The following HOOK3 variants were observed in gnomAD, a reference collection of about 807,000 sequenced individuals.
HOOK3 encodes the protein hook microtubule tethering protein 3.
Under a neutral mutation model 116.3 loss-of-function variants are expected in HOOK3, and 24 were observed. That is an observed-to-expected ratio of 0.21 (90% CI 0.15 to 0.29). HOOK3 has a LOEUF of 0.29. Ranked by LOEUF, HOOK3 falls within the 10% of genes least tolerant of loss-of-function variation. HOOK3 has a pLI of 1.00. For synonymous variants in HOOK3, 275 were observed against 283.0 expected, an observed-to-expected ratio of 0.97 and a Z score of 0.28; for missense variants, 632 against 830.2, an observed-to-expected ratio of 0.76 and a Z score of 2.93.
intron 6 of HOOK3, among the ~76,000 whole-genome samples, chr8:42,951,093 A>G (rs955999557): frequency 2.0e-5 from 3 of 151,840 alleles, no homozygotes; most frequent in African/African-American, 7.3e-5. Flanking sequence ...TTGTTTGACC[A>G]AGTCTCACTC....
At chr8:42,960,140 A>G (rs1400594541) in intron 8 of HOOK3, among the ~76,000 whole-genome samples, 2 of 152,268 alleles carry the variant, frequency 1.3e-5, no homozygotes, top group Non-Finnish European at 2.9e-5. Flanking sequence ...TTATAAGCAG[A>G]ATATAAGTAT....
At chr8:43,007,298 G>A (rs957762614) in intron 17 of HOOK3, among the ~76,000 whole-genome samples, 4 of 152,044 alleles carry the variant, frequency 2.6e-5, no homozygotes, top group Non-Finnish European at 2.9e-5. Context: ...GACCCGGATC[G>A]GTTCTTCATT....
intron 5 of HOOK3, among the ~76,000 whole-genome samples, chr8:42,944,722 G>A (rs1398564184): frequency 6.6e-6 from 1 of 152,052 alleles, no homozygotes; most frequent in African/African-American, 2.4e-5. Flanking sequence ...GCGAGGCTGA[G>A]GCAGGAGAAT....
chr8:42,946,110 TA>T (rs1353992314), intron 5 of HOOK3, among the ~76,000 whole-genome samples: 1 of 152,180 alleles, frequency 6.6e-6, no homozygotes, highest in East Asian at 1.9e-4. Context: ...ATTTATTTCA[TA>T]AATATTGAAC....
intron 2 of HOOK3, among the ~76,000 whole-genome samples, chr8:42,914,744 T>C (rs1807497456): frequency 1.3e-5 from 2 of 152,248 alleles, no homozygotes; most frequent in African/African-American, 4.8e-5. Flanking sequence ...CTCCCCTCTT[T>C]CTTGCATCAT....
rs191113604 is a variant in HOOK3, at chr8:42,992,527, C to T, written c.1533-5023C>T. ...GGTCAGGAGATTGAGACCATCCTGG[C>T]CAACATGGTGAAACCCCGTCTCTGC... On this transcript the variant is annotated intron_variant, in intron 15 of 21. Transcript: ENST00000307602. Among the ~76,000 whole-genome samples the T allele has an allele frequency of 3.4e-4, 51 of 150,726 alleles. 2 individuals are homozygous for T. In the East Asian group the frequency reaches 7.2e-3, roughly 21 times the overall value.
chr8:42,990,357 T>C (rs1809136787), intron 15 of HOOK3, among the ~76,000 whole-genome samples: 2 of 116,394 alleles, frequency 1.7e-5, no homozygotes, highest in South Asian at 5.8e-4. Flanking sequence ...TTTTTTTTTT[T>C]TTTTTGAGGA....
At chr8:43,004,525 A>C (rs763200555) in intron 17 of HOOK3, among the ~76,000 whole-genome samples, 6 of 151,624 alleles carry the variant, frequency 4.0e-5, no homozygotes, top group Non-Finnish European at 7.4e-5. Context: ...TACTAGAAAT[A>C]CAAAAATTAG....
At chr8:42,943,759 G>A (rs533085989) in intron 5 of HOOK3, among the ~76,000 whole-genome samples, 68 of 152,264 alleles carry the variant, frequency 4.5e-4, no homozygotes, top group African/African-American at 1.6e-3. Flanking sequence ...GAAAAAATGA[G>A]CAGAGACATA....
At chr8:42,976,271 TGAGGTGGACA>T (rs922559576) in intron 13 of HOOK3, among the ~76,000 whole-genome samples, 16 of 151,722 alleles carry the variant, frequency 1.1e-4, no homozygotes, top group Non-Finnish European at 2.4e-4. Flanking sequence ...TTGGGGAGGC[TGAGGTGGACA>T]GAGGGCTTGA....
rs548291480 is a variant in HOOK3, at chr8:43,004,116, C to A, written c.1655+1975C>A. Among the ~76,000 whole-genome samples the A allele has an allele frequency of 1.7e-3, 255 of 152,178 alleles. 1 individual carries two copies. The highest frequency in any genetic ancestry group is 0.01 in the Middle Eastern group (3 of 294). On this transcript the variant is annotated intron_variant, in intron 17 of 21. Transcript: ENST00000307602. ...GGTGTGGTGGCTCACGCCTGTAATCCCAGCACTTTGGGAGGCCAAGCAGGT... is the reference window on the plus strand; with the variant it reads ...GGTGTGGTGGCTCACGCCTGTAATCACAGCACTTTGGGAGGCCAAGCAGGT...
At chr8:42,976,036 A>G (rs953596919) in intron 13 of HOOK3, among the ~76,000 whole-genome samples, 1 of 141,932 alleles carries the variant, frequency 7.0e-6, no homozygotes, top group African/African-American at 2.8e-5. Context: ...GTGTGTATAT[A>G]TATATGTGTG....
chr8:42,925,799 CATAAT>C (rs1230610265), intron 3 of HOOK3, among the ~76,000 whole-genome samples, 170 bp downstream of exon 3: 11 of 152,206 alleles, frequency 7.2e-5, no homozygotes, highest in African/African-American at 2.2e-4. Flanking sequence ...CTAGGCATAA[CATAAT>C]ATGAGTCAGT....
chr8:42,902,361 C>G (rs887759771), intron 1 of HOOK3, among the ~76,000 whole-genome samples: 2 of 151,702 alleles, frequency 1.3e-5, no homozygotes, highest in Admixed American at 6.6e-5. Flanking sequence ...AGTCCCGACC[C>G]CCCAGGCTCA....
At chr8:42,937,972 T>C (rs1808005272) in intron 4 of HOOK3, among the ~76,000 whole-genome samples, 1 of 152,184 alleles carries the variant, frequency 6.6e-6, no homozygotes, top group African/African-American at 2.4e-5. Flanking sequence ...TTAATCTGTC[T>C]AATATTGACA....
intron 19 of HOOK3, among the ~76,000 whole-genome samples, chr8:43,011,593 G>C (rs894963178): frequency 6.6e-6 from 1 of 152,286 alleles, no homozygotes; most frequent in Admixed American, 6.5e-5. Context: ...TATTAGGGGA[G>C]CTGGGCACAG....
chr8:42,956,265 T>TGTGTGTG (rs1554512121), intron 6 of HOOK3, among the ~76,000 whole-genome samples: 5 of 149,108 alleles, frequency 3.4e-5, no homozygotes, highest in Non-Finnish European at 5.9e-5. Flanking sequence ...TGTGTGTGTG[T>TGTGTGTG]TATCATTAAA....
At chr8:42,906,408 T>C in intron 2 of HOOK3, 150 bp downstream of exon 2, 1 of 620,214 alleles carries the variant, frequency 1.6e-6, no homozygotes, top group South Asian at 1.9e-5. Context: ...ATGTACTTAT[T>C]AGGTATAGAT....
chr8:42,954,269 T>G (rs1277389746), intron 6 of HOOK3, among the ~76,000 whole-genome samples: 3 of 152,236 alleles, frequency 2.0e-5, no homozygotes, highest in Non-Finnish European at 2.9e-5. Context: ...TCTATATTTT[T>G]AAATTTTTCT....
Sources: gnomAD v4.1 joint callset for allele counts (sites outside exome capture counted in the v4.1 genomes callset) on GRCh38, gnomAD v4.1.1 for gene constraint, MANE v1.5 for transcripts, NCBI Gene and HGNC (gene_info 2026-07-23, HGNC 2026-07-21) for gene names.